The following DISC1 variants were observed in gnomAD, a reference collection of about 807,000 sequenced individuals.
DISC1 encodes DISC1 scaffold protein, also known as disrupted in schizophrenia 1 protein.
Under a neutral mutation model 84.5 loss-of-function variants are expected in DISC1, and 57 were observed. The ratio of observed to expected loss-of-function variants is 0.67; its 90% confidence interval spans 0.55 to 0.84. The LOEUF (loss-of-function observed/expected upper bound fraction) is 0.84, where lower values mean the gene tolerates loss of function less well. Ranked by LOEUF, DISC1 falls within the 40% of genes least tolerant of loss-of-function variation. The pLI, the probability that DISC1 is intolerant of heterozygous loss-of-function variation, is 0.00. For missense variants in DISC1, 1,000 were observed against 1,057.8 expected (o/e 0.95, Z 0.76); for synonymous variants, 411 against 415.2 (o/e 0.99, Z 0.12).
At chr1:231,845,461 C>G (rs1239240297) in intron 9 of DISC1, among the ~76,000 whole-genome samples, 2 of 152,152 alleles carry the variant, frequency 1.3e-5, no homozygotes, top group Non-Finnish European at 2.9e-5. Context: ...GTGGGGAGAC[C>G]TGGCACGGGG....
intron 3 of DISC1, among the ~76,000 whole-genome samples, chr1:231,730,615 A>T (rs2071392871): frequency 1.3e-5 from 2 of 152,250 alleles, no homozygotes; most frequent in African/African-American, 4.8e-5. Flanking sequence ...AATTGGCCCA[A>T]TAACAACTGG....
chr1:231,687,465 G>T (rs2064433116), intron 1 of DISC1, among the ~76,000 whole-genome samples: 1 of 152,212 alleles, frequency 6.6e-6, no homozygotes, highest in Non-Finnish European at 1.5e-5. Context: ...CATGAGAACA[G>T]TATGGGGGAA....
intron 9 of DISC1, chr1:231,819,017 G>T: frequency 1.0e-6 from 1 of 994,238 alleles, no homozygotes; most frequent in Non-Finnish European, 1.2e-6. Flanking sequence ...TAGCCAAAGT[G>T]TCTGCTTGTC....
rs1032471586 is a variant in DISC1 at position 231,722,033 on chromosome 1, A to G, written c.1117+20009A>G. 5.9e-5 allele frequency among the ~76,000 whole-genome samples: 9 copies of G among 151,738 alleles called. No homozygotes were observed. In the South Asian group the frequency reaches 6.3e-4, roughly 11 times the overall value. Reference sequence around the variant, plus strand: ...CCGGGTGTGGTGGCGGGCACCTGTAATCCCGGCTACTCGGGAGGCTGAGGC... The same window carrying G: ...CCGGGTGTGGTGGCGGGCACCTGTAGTCCCGGCTACTCGGGAGGCTGAGGC... On this transcript the variant is annotated intron_variant, in intron 3 of 12. Transcript: ENST00000439617.
chr1:231,660,319 G>A (rs1008469818), intron 1 of DISC1, among the ~76,000 whole-genome samples: 2 of 151,856 alleles, frequency 1.3e-5, no homozygotes, highest in African/African-American at 4.8e-5. Context: ...TTTTCCATTT[G>A]CTTGGTAAAT....
intron 10 of DISC1, among the ~76,000 whole-genome samples, chr1:231,972,970 C>T (rs776501647): frequency 6.6e-6 from 1 of 152,052 alleles, no homozygotes; most frequent in South Asian, 2.1e-4. Flanking sequence ...CTGACCCCAT[C>T]GCCTCATTTG....
intron 6 of DISC1, among the ~76,000 whole-genome samples, chr1:231,780,969 A>T (rs1367153074): frequency 9.1e-6 from 1 of 110,034 alleles, no homozygotes; most frequent in Non-Finnish European, 1.7e-5. Flanking sequence ...ATGAGATCAC[A>T]TGGACACAGG....
chr1:231,985,192 G>A (rs1398406080), intron 10 of DISC1, among the ~76,000 whole-genome samples: 1 of 151,926 alleles, frequency 6.6e-6, no homozygotes, highest in African/African-American at 2.4e-5. Flanking sequence ...CAGGCATGGT[G>A]GTGCATGCCT....
intron 9 of DISC1, among the ~76,000 whole-genome samples, chr1:231,956,317 T>G (rs1164806599): frequency 6.6e-6 from 1 of 152,192 alleles, no homozygotes; most frequent in African/African-American, 2.4e-5. Context: ...ACATAAAACT[T>G]TGGTCACATA....
At chr1:231,660,444 A>C (rs2061479810) in intron 1 of DISC1, among the ~76,000 whole-genome samples, 1 of 151,936 alleles carries the variant, frequency 6.6e-6, no homozygotes, top group Non-Finnish European at 1.5e-5. Flanking sequence ...TGTGTCTTTT[A>C]ATTGGGGCAT....
intron 9 of DISC1, among the ~76,000 whole-genome samples, chr1:231,834,777 A>G (rs1038473853): frequency 6.6e-6 from 1 of 152,152 alleles, no homozygotes; most frequent in Non-Finnish European, 1.5e-5. Flanking sequence ...CTTGCCCCCT[A>G]GAAAAGCTGT....
intron 9 of DISC1, among the ~76,000 whole-genome samples, chr1:231,865,036 G>A (rs1267143798): frequency 6.6e-6 from 1 of 152,182 alleles, no homozygotes; most frequent in Non-Finnish European, 1.5e-5. Flanking sequence ...GTCACAGAAT[G>A]ATCACGGAAG....
At chr1:231,641,330 G>A (rs938864298) in intron 1 of DISC1, among the ~76,000 whole-genome samples, 1 of 152,030 alleles carries the variant, frequency 6.6e-6, no homozygotes, top group Admixed American at 6.6e-5. Flanking sequence ...TAGTGGGTTC[G>A]TGGTCTCGCT....
intron 10 of DISC1, among the ~76,000 whole-genome samples, chr1:231,990,539 C>A (rs1372320667): frequency 6.6e-6 from 1 of 152,178 alleles, no homozygotes; most frequent in Non-Finnish European, 1.5e-5. Context: ...TTCCTCACTG[C>A]TTCTGTGTAC....
intron 8 of DISC1, among the ~76,000 whole-genome samples, chr1:231,802,275 C>G (rs2079332323): frequency 6.6e-6 from 1 of 152,106 alleles, no homozygotes; most frequent in Non-Finnish European, 1.5e-5. Context: ...TTCCCCCATG[C>G]TGTTTTCGTG....
chr1:231,834,031 G>T (rs1431265608), intron 9 of DISC1, among the ~76,000 whole-genome samples: 1 of 152,128 alleles, frequency 6.6e-6, no homozygotes, highest in Non-Finnish European at 1.5e-5. Flanking sequence ...CCATGAACTG[G>T]GCTGGGTTTT....
intron 9 of DISC1, among the ~76,000 whole-genome samples, chr1:231,907,450 AATG>A (rs200902463): frequency 0.041 from 6,293 of 151,886 alleles, 475 homozygotes; most frequent in African/African-American, 0.14. Context: ...GTTTGCTGAG[AATG>A]ATGGTTTCCA....
Position 231,950,769 on chromosome 1 carries a change from A to G in DISC1, c.1982-8059A>G, listed in dbSNP as rs1658225317. Among the ~76,000 whole-genome samples, 5 of 152,324 alleles carry G rather than the reference A, an allele frequency of 3.3e-5. No individual in the cohort carries two copies. The South Asian group carries it at 1.0e-3, about 32-fold the overall frequency. ...CAGGTAAAATCGGTACCTGGGCTTT[A>G]TCTACTATAAGCACTCGCCACATAG... On this transcript the variant is annotated intron_variant, in intron 9 of 12. Transcript: ENST00000439617.
intron 3 of DISC1, chr1:231,722,508 C>T: frequency 6.2e-7 from 1 of 1,614,062 alleles, no homozygotes; most frequent in Non-Finnish European, 8.5e-7. Context: ...GTGTCCATTC[C>T]ACTCAGAGGT....
Sources: allele counts gnomAD v4.1 joint callset (sites outside exome capture counted in the v4.1 genomes callset), GRCh38; gene constraint gnomAD v4.1.1; transcripts MANE v1.5; gene names NCBI Gene and HGNC (gene_info 2026-07-23, HGNC 2026-07-21).